The following C6orf62 variants were observed in gnomAD, a reference collection of about 807,000 sequenced individuals.
C6orf62 encodes the protein uncharacterized protein C6orf62.
Under a neutral mutation model 26.8 loss-of-function variants are expected in C6orf62, and 16 were observed. That is an observed-to-expected ratio of 0.60 (90% CI 0.40 to 0.91). The LOEUF (loss-of-function observed/expected upper bound fraction) is 0.91, where lower values mean the gene tolerates loss of function less well. Ranked by LOEUF, C6orf62 falls within the 40% of genes least tolerant of loss-of-function variation. The pLI is 0.00. For missense variants in C6orf62, 192 were observed against 271.4 expected (o/e 0.71, Z 2.06); for synonymous variants, 112 against 91.5 (o/e 1.22, Z -1.28).
intron 3 of C6orf62, chr6:24,709,643 C>G: frequency 1.0e-6 from 1 of 985,384 alleles, no homozygotes; most frequent in African/African-American, 1.7e-5. Context: ...CCACAGTTAG[C>G]CTTGGGTCAT....
At chr6:24,715,109 A>G (rs1158577920) in intron 2 of C6orf62, among the ~76,000 whole-genome samples, 3 of 152,234 alleles carry the variant, frequency 2.0e-5, no homozygotes, top group African/African-American at 4.8e-5. Flanking sequence ...AGAACTCCTA[A>G]TATGAATCAC....
chr6:24,706,364 G>A (rs1304267819), intron 4 of C6orf62, 102 bp from the exon 5 acceptor site: 7 of 1,485,468 alleles, frequency 4.7e-6, no homozygotes, highest in Non-Finnish European at 4.5e-6. Flanking sequence ...TTAACATACA[G>A]AGTAAGGGAC....
chr6:24,720,318 G>A (rs962795433), upstream of C6orf62: 5 of 1,293,880 alleles, frequency 3.9e-6, no homozygotes, highest in Middle Eastern at 2.9e-4. Flanking sequence ...CTGGTAGCAC[G>A]GGCAGGAGCC....
At chr6:24,708,941 A>C (rs771563470) in intron 3 of C6orf62, 30 bp from the exon 4 acceptor site, 1 of 1,613,232 alleles carries the variant, frequency 6.2e-7, no homozygotes, top group Admixed American at 1.7e-5. Flanking sequence ...TTTATATTAA[A>C]CTACAAACAA....
At chr6:24,714,759 GT>G (rs1431470191) in intron 2 of C6orf62, among the ~76,000 whole-genome samples, 24 of 152,130 alleles carry the variant, frequency 1.6e-4, no homozygotes, top group African/African-American at 5.6e-4. Flanking sequence ...GGGATTACAA[GT>G]GTGTGCCACC....
intron 3 of C6orf62, chr6:24,710,123 T>TA (rs1294431158): frequency 1.0e-6 from 1 of 984,882 alleles, no homozygotes; most frequent in African/African-American, 1.7e-5. Flanking sequence ...AGCATGCTAT[T>TA]AGCTACTAAA....
intron 1 of C6orf62, among the ~76,000 whole-genome samples, chr6:24,717,298 A>C (rs1779254529): frequency 6.6e-6 from 1 of 152,188 alleles, no homozygotes; most frequent in Admixed American, 6.5e-5. Context: ...GATTTATTTA[A>C]AGAGCATACA....
intron 4 of C6orf62, among the ~76,000 whole-genome samples, chr6:24,708,046 A>C (rs1191247476): frequency 1.3e-5 from 2 of 151,458 alleles, no homozygotes; most frequent in Non-Finnish European, 2.9e-5. Context: ...TTCTGGAAAC[A>C]AAGTGTGTTT....
intron 1 of C6orf62, 114 bp from the exon 2 acceptor site, chr6:24,716,438 T>A: frequency 1.4e-6 from 1 of 708,838 alleles, no homozygotes; most frequent in Non-Finnish European, 2.4e-6. Flanking sequence ...CTGTCTGCAG[T>A]AACTTATACA....
At chr6:24,720,504 AG>A, upstream of C6orf62, 1 of 506,194 alleles carries the variant, frequency 2.0e-6, no homozygotes, top group Non-Finnish European at 2.6e-6. Flanking sequence ...CAACAGGGAG[AG>A]AAAAAGAAAA....
At chr6:24,715,848 CAAAAAA>C (rs139717677) in intron 2 of C6orf62, among the ~76,000 whole-genome samples, 23 of 63,822 alleles carry the variant, frequency 3.6e-4, no homozygotes, top group Admixed American at 1.6e-3. Context: ...GACTTTGTCT[CAAAAAA>C]AAAAAAAAAA....
In C6orf62 at chr6:24,705,373, T is replaced by G. The variant is rs1400173644; in HGVS notation, c.*764A>C. 1.3e-5 allele frequency: 2 copies of G among 152,600 alleles called. No individual in the cohort carries two copies. Among genetic ancestry groups the G allele is most frequent in the South Asian group, 2.1e-4 (1 of 4,836 alleles). The allele number at this position is 152,600 out of a possible 1,614,324, so 9.5% of individuals were successfully genotyped here. A position where few individuals can be genotyped will look rare whatever the true frequency, so the allele number is the denominator to read the frequency against. On this transcript the variant is annotated 3_prime_UTR_variant, in exon 5 of 5. Transcript: ENST00000378119. ...AAGAAAAGTCCTCTACCTATCATGGTTTCTGCAGCTATGCATGTATTTCTG... is the reference window on the plus strand; with the variant it reads ...AAGAAAAGTCCTCTACCTATCATGGGTTCTGCAGCTATGCATGTATTTCTG...
At chr6:24,709,463 C>T in intron 3 of C6orf62, 1 of 978,864 alleles carries the variant, frequency 1.0e-6, no homozygotes, top group Non-Finnish European at 1.2e-6. Flanking sequence ...GCACAACTCA[C>T]TAGTTACGTG....
At chr6:24,714,002 G>A (rs1387263059) in intron 3 of C6orf62, among the ~76,000 whole-genome samples, 1 of 152,182 alleles carries the variant, frequency 6.6e-6, no homozygotes, top group Admixed American at 6.5e-5. Context: ...AGAAGGATGT[G>A]TGGTGAAGGC....
rs964381695 is a variant in C6orf62 at position 24,709,583 on chromosome 6, AAT to A, written c.430-674_430-673del. ...AATGAAATGTAAAGCCCACAACTGA[AAT>A]ATAGTTTTGCTCCTCATAGATAGGC... On this transcript the variant is annotated intron_variant, in intron 3 of 4. Coordinates refer to ENST00000378119, the MANE Select transcript of C6orf62 (RefSeq NM_030939.5). 4.1e-6 allele frequency: 4 copies of A among 985,066 alleles called. No homozygotes were observed. In the African/African-American group the frequency reaches 5.2e-5, roughly 13 times the overall value. 61.0% of individuals were successfully genotyped at this position (985,066 alleles called of 1,614,324 possible). A position where few individuals can be genotyped will look rare whatever the true frequency, so the allele number is the denominator to read the frequency against.
chr6:24,707,798 T>C (rs1779038372), intron 4 of C6orf62, among the ~76,000 whole-genome samples: 1 of 151,900 alleles, frequency 6.6e-6, no homozygotes, highest in Non-Finnish European at 1.5e-5. Context: ...GGTCAGGAGA[T>C]TGAGACCATC....
At chr6:24,709,706 T>G in intron 3 of C6orf62, 6 of 985,456 alleles carry the variant, frequency 6.1e-6, no homozygotes, top group Non-Finnish European at 7.2e-6. Context: ...GTCAGAACAC[T>G]CCCTTCAATC....
rs528364778 is a variant in C6orf62, at chr6:24,714,350, T to C, written c.397A>G (p.Lys133Glu). Residue 133 changes from lysine to glutamate, a missense_variant, in exon 3 of 5, where the codon AAA (lysine) becomes GAA (glutamate). Transcript: ENST00000378119. Reference protein sequence around the residue: ...KIVCLLFSRWKESDEPFRPVQ... With the variant: ...KIVCLLFSRWEESDEPFRPVQ... ...GGCCTAAAAGGCTCATCAGATTCTT[T>C]CCACCTAGAAAACAGGAGACAGACG... 1 of 1,611,908 alleles carries C rather than the reference T, an allele frequency of 6.2e-7. No individual in the cohort carries two copies. The highest frequency in any genetic ancestry group is 2.2e-5 in the East Asian group (1 of 44,818).
At position 24,705,646 on chromosome 6, in the gene C6orf62, G is replaced by A. The variant is rs1255616515; in HGVS notation, c.*491C>T. ...ATTTTCTTTTTTTAAACCAGTTCTGGTCATTAGAATGTATCTGACAGTGCT... is the reference window on the plus strand; with the variant it reads ...ATTTTCTTTTTTTAAACCAGTTCTGATCATTAGAATGTATCTGACAGTGCT... On this transcript the variant is annotated 3_prime_UTR_variant, in exon 5 of 5. Coordinates refer to ENST00000378119, the MANE Select transcript of C6orf62 (RefSeq NM_030939.5). The A allele has an allele frequency of 6.6e-6, 1 of 152,560 alleles. No homozygotes were observed. Among genetic ancestry groups the A allele is most frequent in the Non-Finnish European group, 1.5e-5 (1 of 68,056 alleles). 9.5% of individuals were successfully genotyped at this position (152,560 alleles called of 1,614,324 possible).
Sources: allele counts gnomAD v4.1 joint callset (sites outside exome capture counted in the v4.1 genomes callset), GRCh38; gene constraint gnomAD v4.1.1; transcripts MANE v1.5; gene names NCBI Gene and HGNC (gene_info 2026-07-23, HGNC 2026-07-21).